CEP128: variants seen among roughly 807,000 people sequenced by gnomAD.
The protein encoded by CEP128 is centrosomal protein 128.
Under a neutral mutation model 156.7 loss-of-function variants are expected in CEP128, and 132 were observed. The ratio of observed to expected loss-of-function variants is 0.84; its 90% CI spans 0.73 to 0.97. The LOEUF (loss-of-function observed/expected upper bound fraction) is 0.97. Ranked by LOEUF, CEP128 falls within the 50% of genes least tolerant of loss-of-function variation. The probability of loss-of-function intolerance (pLI) is 0.00; values close to 1 mark genes in which losing one functional copy is unlikely to be tolerated. For missense variants in CEP128, 1,252 were observed against 1,281.9 expected (o/e 0.98, Z 0.36); for synonymous variants, 469 against 448.9 (o/e 1.04, Z -0.57).
chr14:80,603,604 A>T (rs912046717), intron 19 of CEP128, among the ~76,000 whole-genome samples: 20 of 152,198 alleles, frequency 1.3e-4, no homozygotes, highest in African/African-American at 4.6e-4. Flanking sequence ...AATCTTGTCC[A>T]TCTACTCCTC....
At chr14:80,815,213 G>A (rs983774141) in intron 13 of CEP128, among the ~76,000 whole-genome samples, 5 of 152,018 alleles carry the variant, frequency 3.3e-5, no homozygotes, top group South Asian at 4.1e-4. Flanking sequence ...ACATCTCAAC[G>A]AAATAACAAT....
At chr14:80,576,885 A>T (rs1037199876) in intron 20 of CEP128, among the ~76,000 whole-genome samples, 23 of 152,168 alleles carry the variant, frequency 1.5e-4, no homozygotes, top group African/African-American at 5.3e-4. Flanking sequence ...AAGATGAGGC[A>T]CTGTGCTAAG....
intron 21 of CEP128, among the ~76,000 whole-genome samples, chr14:80,542,415 C>T (rs376046782): frequency 5.3e-5 from 8 of 151,840 alleles, no homozygotes; most frequent in African/African-American, 7.3e-5. Context: ...ATTTAAAAAT[C>T]GACTATCTTT....
intron 13 of CEP128, among the ~76,000 whole-genome samples, chr14:80,810,125 C>G (rs1884421575): frequency 6.6e-6 from 1 of 151,618 alleles, no homozygotes; most frequent in Non-Finnish European, 1.5e-5. Flanking sequence ...AGATCGAGAT[C>G]GTCCTGGCTA....
intron 8 of CEP128, among the ~76,000 whole-genome samples, chr14:80,873,751 C>A (rs1244198076): frequency 6.6e-6 from 1 of 152,102 alleles, no homozygotes; most frequent in Non-Finnish European, 1.5e-5. Flanking sequence ...TGGGAGAAAC[C>A]CAGTGGCAGG....
intron 5 of CEP128, 107 bp from the exon 6 acceptor site, chr14:80,905,038 T>C (rs1433944954): frequency 4.2e-6 from 3 of 709,468 alleles, no homozygotes; most frequent in African/African-American, 1.7e-5. Context: ...CATATATTCA[T>C]GTCCCTAACC....
chr14:80,859,218 T>TA (rs1203347154), intron 9 of CEP128, among the ~76,000 whole-genome samples: 4 of 149,634 alleles, frequency 2.7e-5, no homozygotes, highest in Non-Finnish European at 5.9e-5. Context: ...TATGCAGCCA[T>TA]AAAAAAGGAT....
intron 20 of CEP128, among the ~76,000 whole-genome samples, chr14:80,573,806 G>C (rs962720643): frequency 2.0e-5 from 3 of 152,100 alleles, no homozygotes; most frequent in Non-Finnish European, 2.9e-5. Flanking sequence ...TTCACCTTTC[G>C]AGAAAATAGA....
chr14:80,705,396 C>G (rs12588325), intron 19 of CEP128, among the ~76,000 whole-genome samples: 19,200 of 152,012 alleles, frequency 0.13, 1,591 homozygotes, highest in East Asian at 0.43. Flanking sequence ...ATTCATGAAA[C>G]CCAGAGCTTT....
At chr14:80,909,001 C>A (rs1005947413) in intron 4 of CEP128, among the ~76,000 whole-genome samples, 2 of 151,216 alleles carry the variant, frequency 1.3e-5, no homozygotes, top group Admixed American at 1.3e-4. Context: ...CAGCTTTGGT[C>A]TTCCTAGCCT....
At chr14:80,774,887 A>G (rs1311264539) in intron 16 of CEP128, among the ~76,000 whole-genome samples, 2 of 152,210 alleles carry the variant, frequency 1.3e-5, no homozygotes, top group Admixed American at 1.3e-4. Context: ...GTTTCAAATG[A>G]TTCAACATAG....
intron 20 of CEP128, among the ~76,000 whole-genome samples, chr14:80,577,901 GCT>G (rs1891426269): frequency 6.6e-6 from 1 of 152,060 alleles, no homozygotes; most frequent in African/African-American, 2.4e-5. Context: ...ATGAAACTGT[GCT>G]CTTTTATCCT....
intron 2 of CEP128, among the ~76,000 whole-genome samples, chr14:80,951,744 T>C (rs12890859): frequency 0.16 from 24,821 of 152,008 alleles, 2,318 homozygotes; most frequent in East Asian, 0.43. Context: ...GACCCAACTC[T>C]ATGCTATTTA....
intron 8 of CEP128, among the ~76,000 whole-genome samples, chr14:80,881,463 A>G (rs1004178462): frequency 2.6e-5 from 4 of 151,818 alleles, no homozygotes; most frequent in African/African-American, 9.7e-5. Context: ...CTGAAACCCA[A>G]TGGCTTCATT....
intron 6 of CEP128, among the ~76,000 whole-genome samples, chr14:80,903,199 C>T (rs188283744): frequency 1.2e-4 from 19 of 152,150 alleles, no homozygotes; most frequent in Non-Finnish European, 2.8e-4. Context: ...CGGAAATAAA[C>T]ACACACATTT....
intron 19 of CEP128, among the ~76,000 whole-genome samples, chr14:80,711,176 G>A (rs1897388377): frequency 6.6e-6 from 1 of 151,966 alleles, no homozygotes; most frequent in Admixed American, 6.6e-5. Flanking sequence ...AATTCACTTA[G>A]GAGACCTTTC....
intron 19 of CEP128, among the ~76,000 whole-genome samples, chr14:80,704,507 C>T (rs1469621016): frequency 6.6e-6 from 1 of 151,696 alleles, no homozygotes; most frequent in Non-Finnish European, 1.5e-5. Flanking sequence ...AATTTTAAGG[C>T]TCTAATGCAA....
chr14:80,856,668 T>C (rs228110), intron 9 of CEP128, among the ~76,000 whole-genome samples: 47,845 of 147,870 alleles, frequency 0.32, 8,647 homozygotes, highest in Non-Finnish European at 0.4. Flanking sequence ...TGCCTGCGTG[T>C]GTGTGTGTGC....
chr14:80,803,897 CA>C (rs1884019756), intron 13 of CEP128, among the ~76,000 whole-genome samples: 1 of 151,794 alleles, frequency 6.6e-6, no homozygotes, highest in Non-Finnish European at 1.5e-5. Flanking sequence ...AATTTTAGGA[CA>C]AAAAAATTAA....
Sources: allele counts gnomAD v4.1 joint callset (sites outside exome capture counted in the v4.1 genomes callset), GRCh38; gene constraint gnomAD v4.1.1; transcripts MANE v1.5; gene names NCBI Gene and HGNC (gene_info 2026-07-23, HGNC 2026-07-21).